The following FAM107B variants were observed in gnomAD, a reference collection of about 807,000 sequenced individuals.
FAM107B encodes protein FAM107B.
In FAM107B, 21 loss-of-function variants were observed where a neutral mutation model predicts 31.5. The observed-to-expected ratio is 0.67, with a 90% CI of 0.47 to 0.96. FAM107B has a LOEUF of 0.96. Among genes scored for constraint, FAM107B ranks in the 40% least tolerant of loss-of-function variants. The pLI, the probability that FAM107B is intolerant of heterozygous loss-of-function variation, is 0.00. For synonymous variants in FAM107B, 157 were observed against 141.5 expected (o/e 1.11, Z -0.78); for missense variants, 452 against 377.1 (o/e 1.20, Z -1.64).
rs75425320 is a variant in FAM107B, at chr10:14,560,014, C to G, written c.470-29499G>C. On this transcript the variant is annotated intron_variant, in intron 2 of 4. Transcript: ENST00000181796. ...AATCTCTGAATTAACAAACGCACAA[C>G]CCTTGCTTCCCCAATCTCATTGCAA... 4.7e-4 allele frequency among the ~76,000 whole-genome samples: 72 copies of G among 152,256 alleles called. 1 individual carries two copies. The East Asian group carries it at 0.013, about 28-fold the overall frequency.
intron 1 of FAM107B, among the ~76,000 whole-genome samples, chr10:14,760,289 G>A (rs572386559): frequency 1.4e-3 from 213 of 152,198 alleles, no homozygotes; most frequent in Non-Finnish European, 1.0e-3. Flanking sequence ...TTTCTTGCAC[G>A]GCAGAGAACG....
chr10:14,564,026 GGTTTATTATT>G (rs1850457057), intron 2 of FAM107B, among the ~76,000 whole-genome samples: 1 of 151,746 alleles, frequency 6.6e-6, no homozygotes, highest in South Asian at 2.1e-4. Flanking sequence ...GTATGTAACA[GGTTTATTATT>G]GTTTGTTATT....
chr10:14,521,335 A>C, intron 4 of FAM107B, 29 bp from the exon 5 acceptor site: 1 of 1,577,802 alleles, frequency 6.3e-7, no homozygotes, highest in Non-Finnish European at 8.7e-7. Context: ...AGGAAAAATT[A>C]TTTACAAACC....
At chr10:14,694,262 G>T (rs895945194) in intron 1 of FAM107B, among the ~76,000 whole-genome samples, 1 of 152,196 alleles carries the variant, frequency 6.6e-6, no homozygotes, top group Non-Finnish European at 1.5e-5. Flanking sequence ...GCATATGGTA[G>T]TTCTATTTTT....
chr10:14,771,627 T>C (rs1833304812), intron 1 of FAM107B, among the ~76,000 whole-genome samples: 1 of 150,672 alleles, frequency 6.6e-6, no homozygotes, highest in Non-Finnish European at 1.5e-5. Flanking sequence ...CAAATAAAAA[T>C]AAATTAAAAA....
intron 3 of FAM107B, among the ~76,000 whole-genome samples, chr10:14,523,924 C>T (rs1190435364): frequency 1.3e-5 from 2 of 148,908 alleles, no homozygotes; most frequent in Non-Finnish European, 3.0e-5. Context: ...TGGAGTGCAG[C>T]GGCATGATCT....
chr10:14,629,426 TAA>T (rs1214369141), intron 2 of FAM107B, among the ~76,000 whole-genome samples: 8,609 of 17,734 alleles, frequency 0.49, 1,237 homozygotes, highest in Admixed American at 0.6. Flanking sequence ...ATAATATATA[TAA>T]TATATATTAT....
At chr10:14,568,600 G>A (rs1450109770) in intron 2 of FAM107B, among the ~76,000 whole-genome samples, 1 of 150,838 alleles carries the variant, frequency 6.6e-6, no homozygotes, top group Non-Finnish European at 1.5e-5. Context: ...TAGACCAGGA[G>A]GTGAAGATAC....
intron 1 of FAM107B, among the ~76,000 whole-genome samples, chr10:14,711,195 G>A (rs1329870457): frequency 6.6e-6 from 1 of 152,202 alleles, no homozygotes; most frequent in East Asian, 1.9e-4. Flanking sequence ...ACAGGCGTGA[G>A]CCACTGTGCC....
At chr10:14,666,530 G>C (rs1311469085) in intron 2 of FAM107B, among the ~76,000 whole-genome samples, 1 of 152,062 alleles carries the variant, frequency 6.6e-6, no homozygotes, top group Admixed American at 6.5e-5. Context: ...GATTTGGGTG[G>C]GGACACAGAG....
At chr10:14,664,042 C>T (rs1854339466) in intron 2 of FAM107B, among the ~76,000 whole-genome samples, 1 of 152,186 alleles carries the variant, frequency 6.6e-6, no homozygotes, top group Non-Finnish European at 1.5e-5. Context: ...AGGCCCAGCT[C>T]TTATGGTGCA....
chr10:14,569,538 T>A lies in FAM107B; in HGVS notation c.470-39023A>T, dbSNP rs947169374. Among the ~76,000 whole-genome samples the A allele has an allele frequency of 2.6e-5, 4 of 152,026 alleles. No individual in the cohort carries two copies. The East Asian group carries it at 7.7e-4, about 29-fold the overall frequency. ...AACTTTAGCATCATTTAGAAAAAAA[T>A]ATAGCAGAAAAAAATTCCTCAACTC... On this transcript the variant is annotated intron_variant, in intron 2 of 4. Transcript: ENST00000181796.
chr10:14,610,884 T>C (rs1313119066), intron 2 of FAM107B, among the ~76,000 whole-genome samples: 1 of 152,112 alleles, frequency 6.6e-6, no homozygotes, highest in Non-Finnish European at 1.5e-5. Flanking sequence ...TTCAGGAGAG[T>C]TTTATTTTCC....
chr10:14,728,490 CT>C (rs377012223), intron 1 of FAM107B, among the ~76,000 whole-genome samples: 222 of 152,244 alleles, frequency 1.5e-3, no homozygotes, highest in African/African-American at 5.2e-3. Context: ...TTCCAAGTGG[CT>C]GCAGAAGTCA....
chr10:14,560,560 G>C (rs1331826082), intron 2 of FAM107B, among the ~76,000 whole-genome samples: 1 of 152,170 alleles, frequency 6.6e-6, no homozygotes, highest in Non-Finnish European at 1.5e-5. Context: ...TTGGGAAATA[G>C]GGCTGAAGAC....
At chr10:14,678,630 C>G (rs370625682) in intron 1 of FAM107B, among the ~76,000 whole-genome samples, 3 of 150,598 alleles carry the variant, frequency 2.0e-5, no homozygotes, top group Admixed American at 6.6e-5. Context: ...CCTCTCCTCT[C>G]TCTGTTTGTC....
chr10:14,703,696 A>C (rs1157699850), intron 1 of FAM107B, among the ~76,000 whole-genome samples: 6 of 152,164 alleles, frequency 3.9e-5, no homozygotes, highest in African/African-American at 1.2e-4. Context: ...AATGACACTG[A>C]CTCATTTTAA....
chr10:14,676,539 C>T (rs1439627793), intron 1 of FAM107B, among the ~76,000 whole-genome samples: 3 of 152,182 alleles, frequency 2.0e-5, no homozygotes, highest in South Asian at 2.1e-4. Flanking sequence ...CATAGTAATA[C>T]ATCCCACAAT....
At chr10:14,550,516 C>T (rs1247607109) in intron 2 of FAM107B, among the ~76,000 whole-genome samples, 2 of 152,206 alleles carry the variant, frequency 1.3e-5, no homozygotes, top group Non-Finnish European at 2.9e-5. Flanking sequence ...AACACACCAT[C>T]GAGGGATTTA....
Sources: allele counts gnomAD v4.1 joint callset (sites outside exome capture counted in the v4.1 genomes callset), GRCh38; gene constraint gnomAD v4.1.1; transcripts MANE v1.5; gene names NCBI Gene and HGNC (gene_info 2026-07-23, HGNC 2026-07-21).